The following PIGK variants were observed in gnomAD, a reference collection of about 807,000 sequenced individuals.
PIGK encodes the protein GPI-anchor transamidase.
A neutral mutation model predicts 50.6 loss-of-function variants in PIGK; 42 were observed. The observed-to-expected ratio is 0.83, with a 90% CI of 0.65 to 1.07. PIGK has a LOEUF of 1.07. PIGK is among the 50% of genes least tolerant of loss of function. The probability of loss-of-function intolerance (pLI) is 0.00; values close to 1 mark genes in which losing one functional copy is unlikely to be tolerated. For synonymous variants in PIGK, 151 were observed against 156.0 expected, an observed-to-expected ratio of 0.97 and a Z score of 0.24; for missense variants, 448 against 488.7, an observed-to-expected ratio of 0.92 and a Z score of 0.78.
At chr1:77,206,533 T>A in intron 3 of PIGK, 107 bp downstream of exon 3, 1 of 687,126 alleles carries the variant, frequency 1.5e-6, no homozygotes, top group Non-Finnish European at 2.5e-6. Flanking sequence ...AAATCAGATT[T>A]TTTTTTTTAC....
intron 6 of PIGK, 52 bp downstream of exon 6, chr1:77,163,793 TG>T: frequency 1.1e-6 from 1 of 922,374 alleles, no homozygotes; most frequent in East Asian, 2.5e-5. Context: ...CTACGAACCA[TG>T]TGAAAATTAG....
At chr1:77,176,289 C>T (rs1655489160) in intron 3 of PIGK, among the ~76,000 whole-genome samples, 1 of 152,032 alleles carries the variant, frequency 6.6e-6, no homozygotes, top group African/African-American at 2.4e-5. Context: ...CTACAGAGGG[C>T]CCCTGAAGAA....
chr1:77,149,699 G>GA (rs914477775), intron 9 of PIGK, among the ~76,000 whole-genome samples: 29 of 152,138 alleles, frequency 1.9e-4, no homozygotes, highest in African/African-American at 6.7e-4. Flanking sequence ...CATCCAAGCA[G>GA]AAAATCTACA....
At position 77,161,620 on chromosome 1, in the gene PIGK, T is replaced by A; in HGVS notation, c.676A>T (p.Ser226Cys). The A allele has an allele frequency of 6.5e-7, 1 of 1,531,988 alleles. No individual in the cohort carries two copies. Among genetic ancestry groups the A allele is most frequent in the Non-Finnish European group, 9.0e-7 (1 of 1,105,110 alleles). 94.9% of individuals were successfully genotyped at this position (1,531,988 alleles called of 1,614,324 possible). The change falls in exon 7 of 11, where the codon AGT becomes TGT. Residue 226 changes from serine to cysteine, a missense_variant. Coordinates refer to ENST00000370812, the MANE Select transcript of PIGK (RefSeq NM_005482.3). ...YSPNIMALAS[S>C]QVGEDSLSHQ... ...GAGAGTGAATCTTCTCCCACTTGAC[T>A]ACTAGCTAGAGCCATTATGTTAGGA...
At chr1:77,205,950 T>C (rs1219078718) in intron 3 of PIGK, among the ~76,000 whole-genome samples, 1 of 152,110 alleles carries the variant, frequency 6.6e-6, no homozygotes, top group African/African-American at 2.4e-5. Context: ...TGCCATATAC[T>C]AGCTCTTCCA....
intron 10 of PIGK, among the ~76,000 whole-genome samples, chr1:77,105,130 A>C (rs1335177232): frequency 6.6e-6 from 1 of 152,158 alleles, no homozygotes; most frequent in Non-Finnish European, 1.5e-5. Flanking sequence ...AACAGCTCTC[A>C]GTGGACAAGG....
intron 10 of PIGK, among the ~76,000 whole-genome samples, chr1:77,100,028 T>C (rs1653506722): frequency 6.6e-6 from 1 of 152,182 alleles, no homozygotes; most frequent in Admixed American, 6.5e-5. Flanking sequence ...TACTTCCAAT[T>C]GCGAATAGTA....
chr1:77,206,534 T>TG (rs1656290721), intron 3 of PIGK, 106 bp downstream of exon 3: 1 of 688,888 alleles, frequency 1.5e-6, no homozygotes, highest in East Asian at 2.6e-5. Context: ...AATCAGATTT[T>TG]TTTTTTTACC....
chr1:77,188,927 T>C (rs942281136), intron 3 of PIGK, among the ~76,000 whole-genome samples: 2 of 152,180 alleles, frequency 1.3e-5, no homozygotes, highest in African/African-American at 2.4e-5. Flanking sequence ...ACAGGATGTA[T>C]AGTAAAAGAA....
At chr1:77,119,930 C>T (rs1417541829) in intron 10 of PIGK, among the ~76,000 whole-genome samples, 2 of 151,880 alleles carry the variant, frequency 1.3e-5, no homozygotes, top group Admixed American at 6.6e-5. Context: ...ATACATAGTA[C>T]AAAGCAAGAT....
chr1:77,156,276 A>T (rs1266603936), intron 8 of PIGK, among the ~76,000 whole-genome samples: 1 of 152,192 alleles, frequency 6.6e-6, no homozygotes, highest in East Asian at 1.9e-4. Flanking sequence ...GTATAGTCAA[A>T]TGGGCCTGGG....
intron 3 of PIGK, among the ~76,000 whole-genome samples, chr1:77,193,473 G>A (rs926660218): frequency 2.6e-4 from 40 of 152,186 alleles, no homozygotes; most frequent in African/African-American, 8.4e-4. Context: ...AAGAATCATT[G>A]CACTCTGGAA....
intron 10 of PIGK, among the ~76,000 whole-genome samples, chr1:77,093,667 T>C (rs1653347811): frequency 1.3e-5 from 2 of 152,182 alleles, no homozygotes; most frequent in South Asian, 4.1e-4. Context: ...ACATTCCATC[T>C]TCATTCCTAT....
At chr1:77,129,345 T>A (rs1317199465) in intron 9 of PIGK, 1 of 1,584,306 alleles carries the variant, frequency 6.3e-7, no homozygotes, top group Admixed American at 1.7e-5. Flanking sequence ...GCAGTGGGGC[T>A]GGACACAAGG....
At chr1:77,140,685 T>C (rs930562085) in intron 9 of PIGK, among the ~76,000 whole-genome samples, 1 of 152,050 alleles carries the variant, frequency 6.6e-6, no homozygotes, top group Non-Finnish European at 1.5e-5. Flanking sequence ...TTCAAAGAAA[T>C]AGCAGAAAAA....
chr1:77,163,285 G>A (rs1655168220), intron 6 of PIGK, among the ~76,000 whole-genome samples: 1 of 152,086 alleles, frequency 6.6e-6, no homozygotes, highest in African/African-American at 2.4e-5. Flanking sequence ...TTCTGCCATA[G>A]GAATGGAAGA....
chr1:77,161,641 T>G lies in PIGK; in HGVS notation c.655A>C (p.Asn219His). ...ASMYERFYSP[N>H]IMALASSQVG... ...TGACTACTAGCTAGAGCCATTATGT[T>G]AGGAGAATAAAATCGTTCATACATG... is the stretch of plus-strand genomic sequence containing the variant. Residue 219 changes from asparagine to histidine, a missense_variant, in exon 7 of 11, where the codon AAC (asparagine) becomes CAC (histidine). Asn to His is a moderately conservative substitution (Grantham distance 68). Coordinates refer to ENST00000370812, the MANE Select transcript of PIGK (RefSeq NM_005482.3). 6.3e-7 allele frequency: 1 copy of G among 1,585,902 alleles called. No individual in the cohort carries two copies. The highest frequency in any genetic ancestry group is 8.7e-7 in the Non-Finnish European group (1 of 1,154,426).
In PIGK at chr1:77,126,894, T is replaced by G. The variant is rs143726720; in HGVS notation, c.987-4535A>C. Among the ~76,000 whole-genome samples, 711 of 152,244 alleles carry G rather than the reference T, an allele frequency of 4.7e-3. 4 individuals carry two copies. Among genetic ancestry groups the G allele is most frequent in the Middle Eastern group, 0.027 (8 of 294 alleles). ...TTTTGAGTCATTTCAGAAGCCCCCCTAAAAGAATGTTCTTTTTCCATGATC... is the reference window on the plus strand; with the variant it reads ...TTTTGAGTCATTTCAGAAGCCCCCCGAAAAGAATGTTCTTTTTCCATGATC... On this transcript the variant is annotated intron_variant, in intron 9 of 10. Transcript: ENST00000370812.
chr1:77,089,305 A>G lies in PIGK; in HGVS notation c.*3069T>C, dbSNP rs1653244851. The G allele has an allele frequency of 6.6e-6, 1 of 152,198 alleles. No individual in the cohort carries two copies. The highest frequency in any genetic ancestry group is 2.1e-4 in the South Asian group (1 of 4,832). The allele number at this position is 152,198 out of a possible 1,614,324, so 9.4% of individuals were successfully genotyped here. A position where few individuals can be genotyped will look rare whatever the true frequency, so the allele number is the denominator to read the frequency against. On this transcript the variant is annotated 3_prime_UTR_variant, in exon 11 of 11. Transcript: ENST00000370812. ...TGAGTATGAGATGTGACACTGAAGC[A>G]ATAAGGCCAATTCTTTAAAGCAAAA...
Sources: gnomAD v4.1 joint callset for allele counts (sites outside exome capture counted in the v4.1 genomes callset) on GRCh38, gnomAD v4.1.1 for gene constraint, MANE v1.5 for transcripts, NCBI Gene and HGNC (gene_info 2026-07-23, HGNC 2026-07-21) for gene names.